Variants in CNTNAP2 observed in about 807,000 individuals in gnomAD.
CNTNAP2 encodes the protein contactin associated protein 2.
A neutral mutation model predicts 155.2 loss-of-function variants in CNTNAP2; 98 were observed. That is an observed-to-expected ratio of 0.63 (90% CI 0.54 to 0.75). CNTNAP2 has a LOEUF of 0.75. CNTNAP2 is among the 30% of genes least tolerant of loss of function. CNTNAP2 has a pLI of 0.00. For synonymous variants in CNTNAP2, 651 were observed against 631.2 expected (o/e 1.03, Z -0.47); for missense variants, 1,727 against 1,688.1 (o/e 1.02, Z -0.40).
At chr7:148,301,306 A>AATATATATATATATATATATATAT (rs1554414673) in intron 21 of CNTNAP2, among the ~76,000 whole-genome samples, 9 of 103,866 alleles carry the variant, frequency 8.7e-5, no homozygotes, top group Non-Finnish European at 1.3e-4. Context: ...AAAAAAAAAA[A>AATATATATATATATATATATATAT]ATATATATAT....
rs759791327 is a variant in CNTNAP2, at chr7:147,062,159, A to C, written c.550+18105A>C. ...AAAAAAAAAAAAAAAAAAAAAAAAA[A>C]AAAAAAAAAAACCAGTTCTTTATGA... On this transcript the variant is annotated intron_variant, in intron 4 of 23. Coordinates refer to ENST00000361727, the MANE Select transcript of CNTNAP2 (RefSeq NM_014141.6). 1.5e-3 allele frequency among the ~76,000 whole-genome samples: 208 copies of C among 137,454 alleles called. 4 individuals are homozygous for C. The Middle Eastern group carries it at 0.02, about 13-fold the overall frequency. 90.2% of individuals were successfully genotyped at this position (137,454 alleles called of 152,430 possible).
At chr7:147,307,073 A>G (rs2116785546) in intron 9 of CNTNAP2, among the ~76,000 whole-genome samples, 1 of 152,332 alleles carries the variant, frequency 6.6e-6, no homozygotes, top group Middle Eastern at 3.4e-3. Flanking sequence ...TACGATGGGC[A>G]TCTACTAAAC....
intron 1 of CNTNAP2, among the ~76,000 whole-genome samples, chr7:146,268,580 C>T (rs540073326): frequency 9.2e-5 from 14 of 152,300 alleles, no homozygotes; most frequent in Admixed American, 5.2e-4. Flanking sequence ...TTACTTCTAT[C>T]TGGATCTGCT....
At chr7:147,096,851 G>T (rs184513768) in intron 4 of CNTNAP2, among the ~76,000 whole-genome samples, 13 of 152,296 alleles carry the variant, frequency 8.5e-5, no homozygotes, top group Admixed American at 8.5e-4. Flanking sequence ...TCACTGAGGT[G>T]TGTTCACGAG....
intron 21 of CNTNAP2, among the ~76,000 whole-genome samples, chr7:148,297,199 A>AGGAAGGAAGGAAGGAAGGAAGGAG (rs1330394608): frequency 1.2e-4 from 18 of 151,320 alleles, no homozygotes; most frequent in Non-Finnish European, 5.9e-5. Context: ...GAAGGAAGGA[A>AGGAAGGAAGGAAGGAAGGAAGGAG]GGAAGGAAAA....
intron 1 of CNTNAP2, among the ~76,000 whole-genome samples, chr7:146,743,147 C>A (rs1309799486): frequency 6.6e-6 from 1 of 151,976 alleles, no homozygotes; most frequent in African/African-American, 2.4e-5. Flanking sequence ...AGTATGCTAT[C>A]CACTCTGACA....
In CNTNAP2 at chr7:147,601,644, AATAT is replaced by A. The variant is rs1160603745; in HGVS notation, c.1898-37434_1898-37431del. Among the ~76,000 whole-genome samples, 559 of 87,414 alleles carry A rather than the reference AATAT, an allele frequency of 6.4e-3. 5 individuals carry two copies. The highest frequency in any genetic ancestry group is 0.021 in the African/African-American group (488 of 23,354). The allele number at this position is 87,414 out of a possible 152,430, so 57.3% of individuals were successfully genotyped here. ...TTAAAGACATTGACTCTTAAAAAAA[AATAT>A]ATATATATATATATATATATATATA... On this transcript the variant is annotated intron_variant, in intron 12 of 23. Coordinates refer to ENST00000361727, the MANE Select transcript of CNTNAP2 (RefSeq NM_014141.6).
intron 10 of CNTNAP2, among the ~76,000 whole-genome samples, chr7:147,397,635 T>C (rs961641660): frequency 1.3e-5 from 2 of 151,964 alleles, no homozygotes; most frequent in Admixed American, 1.3e-4. Flanking sequence ...GTTAAATTGG[T>C]CCCAAAAGAA....
At position 146,510,058 on chromosome 7, in the gene CNTNAP2, G is replaced by T. The variant is rs965053689; in HGVS notation, c.98-264213G>T. On this transcript the variant is annotated intron_variant, in intron 1 of 23. Coordinates refer to ENST00000361727, the MANE Select transcript of CNTNAP2 (RefSeq NM_014141.6). ...TGACTACACCAATTGTCAAGTTCCA[G>T]TTCCCAGACTAAGCTGGGGTCTGAG... Among the ~76,000 whole-genome samples the T allele has an allele frequency of 6.6e-5, 10 of 152,120 alleles. 1 individual carries two copies. Among genetic ancestry groups the T allele is most frequent in the African/African-American group, 1.9e-4 (8 of 41,424 alleles).
chr7:148,325,163 T>G (rs1189892473), intron 21 of CNTNAP2, among the ~76,000 whole-genome samples: 1 of 152,260 alleles, frequency 6.6e-6, no homozygotes, highest in East Asian at 1.9e-4. Flanking sequence ...TCTTTTCTAT[T>G]GTATAAGATT....
chr7:147,114,168 G>T (rs544501547), intron 5 of CNTNAP2, among the ~76,000 whole-genome samples: 1 of 152,238 alleles, frequency 6.6e-6, no homozygotes, highest in African/African-American at 2.4e-5. Flanking sequence ...ATTGTGCTGT[G>T]GTCTGAGAGA....
chr7:148,023,654 A>T (rs1196936742), intron 15 of CNTNAP2, among the ~76,000 whole-genome samples: 1 of 152,136 alleles, frequency 6.6e-6, no homozygotes, highest in Non-Finnish European at 1.5e-5. Context: ...GTCTTGGTGG[A>T]TTCTGTGAGG....
At chr7:146,163,726 T>TA (rs559560384) in intron 1 of CNTNAP2, among the ~76,000 whole-genome samples, 80 of 145,368 alleles carry the variant, frequency 5.5e-4, no homozygotes, top group African/African-American at 1.1e-3. Context: ...CCATACTGGG[T>TA]AAAAAAAAAG....
chr7:147,327,216 G>T (rs1795477330), intron 9 of CNTNAP2, among the ~76,000 whole-genome samples: 1 of 152,130 alleles, frequency 6.6e-6, no homozygotes, highest in South Asian at 2.1e-4. Flanking sequence ...TGAGCATTTT[G>T]CTGAACTTAT....
At chr7:147,527,398 C>T (rs1799347419) in intron 11 of CNTNAP2, among the ~76,000 whole-genome samples, 1 of 152,014 alleles carries the variant, frequency 6.6e-6, no homozygotes, top group Non-Finnish European at 1.5e-5. Context: ...TACCCAAGGT[C>T]CTAAAAAGTG....
chr7:146,561,432 A>C (rs1418566939), intron 1 of CNTNAP2, among the ~76,000 whole-genome samples: 3 of 152,142 alleles, frequency 2.0e-5, no homozygotes, highest in Non-Finnish European at 4.4e-5. Context: ...GTGCAGGTGA[A>C]TCACTTGAGC....
intron 13 of CNTNAP2, among the ~76,000 whole-genome samples, chr7:147,647,414 AT>A (rs1261289429): frequency 6.6e-6 from 1 of 152,180 alleles, no homozygotes; most frequent in African/African-American, 2.4e-5. Context: ...AAGCAAAAAA[AT>A]AAAATAAAAA....
chr7:148,399,098 G>C (rs575156728), intron 22 of CNTNAP2, among the ~76,000 whole-genome samples: 1 of 152,228 alleles, frequency 6.6e-6, no homozygotes, highest in South Asian at 2.1e-4. Context: ...ACAAAACTTG[G>C]TGAGCACCCA....
chr7:147,708,831 G>A (rs1796357709), intron 13 of CNTNAP2, among the ~76,000 whole-genome samples: 1 of 152,140 alleles, frequency 6.6e-6, no homozygotes, highest in African/African-American at 2.4e-5. Flanking sequence ...TTCAAAGTGT[G>A]ATCATCTATT....
Sources: allele counts gnomAD v4.1 joint callset (sites outside exome capture counted in the v4.1 genomes callset), GRCh38; gene constraint gnomAD v4.1.1; transcripts MANE v1.5; gene names NCBI Gene and HGNC (gene_info 2026-07-23, HGNC 2026-07-21).